PROS1: variants seen among roughly 807,000 people sequenced by gnomAD.
PROS1 encodes the protein vitamin K-dependent protein S.
Under a neutral mutation model 75.9 loss-of-function variants are expected in PROS1, and 29 were observed. That is an observed-to-expected ratio of 0.38 (90% CI 0.28 to 0.52). PROS1 has a LOEUF of 0.52. Ranked by LOEUF, PROS1 falls within the 20% of genes least tolerant of loss-of-function variation. PROS1 has a pLI of 0.83. For missense variants in PROS1, 680 were observed against 810.3 expected (o/e 0.84, Z 1.95); for synonymous variants, 245 against 280.6 (o/e 0.87, Z 1.27).
intron 1 of PROS1, among the ~76,000 whole-genome samples, chr3:93,959,171 T>A (rs1351731247): frequency 6.6e-6 from 1 of 151,976 alleles, no homozygotes; most frequent in Non-Finnish European, 1.5e-5. Flanking sequence ...CAAAATTAGC[T>A]GGGCATGGTA....
chr3:93,893,080 G>T lies in PROS1; in HGVS notation c.1008C>A (p.Gly336=). The T allele has an allele frequency of 6.2e-7, 1 of 1,613,962 alleles. No individual in the cohort carries two copies. ...CGATAGATTCTGCGTACAGTATCACGCCTTCTGAATCATATGTCCGGAAAT... is the reference window on the plus strand; with the variant it reads ...CGATAGATTCTGCGTACAGTATCACTCCTTCTGAATCATATGTCCGGAAAT... ...EFDFRTYDSE[G]VILYAESIDH... is the part of the protein sequence containing the mutation. Residue 336 remains glycine (G), a synonymous_variant, in exon 10 of 15, where the codon GGC becomes GGA. Transcript: ENST00000394236.
chr3:93,894,735 A>C (rs910241811), intron 9 of PROS1, among the ~76,000 whole-genome samples: 3 of 152,176 alleles, frequency 2.0e-5, no homozygotes, highest in Admixed American at 2.0e-4. Context: ...AGACGTCAAG[A>C]AATTTGCAAA....
rs185298520 is a variant in PROS1 at position 93,917,532 on chromosome 3, A to G, written c.259+6708T>C. Among the ~76,000 whole-genome samples, 523 of 152,282 alleles carry G rather than the reference A, an allele frequency of 3.4e-3. 1 individual carries two copies. Among genetic ancestry groups the G allele is most frequent in the Middle Eastern group, 6.8e-3 (2 of 294 alleles). ...TTTGGCGGCACTTGAGGAGCCCTTC[A>G]GCCCACCACTGCACTGTGGGAGCCC... On this transcript the variant is annotated intron_variant, in intron 3 of 14. Transcript: ENST00000394236.
At chr3:93,954,917 G>A (rs544945305) in intron 1 of PROS1, among the ~76,000 whole-genome samples, 19 of 152,238 alleles carry the variant, frequency 1.2e-4, no homozygotes, top group African/African-American at 4.3e-4. Context: ...GTGGGCAAAG[G>A]ATATGAACAG....
intron 1 of PROS1, among the ~76,000 whole-genome samples, chr3:93,959,409 T>TTA (rs1405909542): frequency 6.6e-6 from 1 of 152,302 alleles, no homozygotes; most frequent in African/African-American, 2.4e-5. Flanking sequence ...TCACATCTAG[T>TTA]AATTTCTCAC....
chr3:93,882,050 G>A (rs2107133262), intron 12 of PROS1, among the ~76,000 whole-genome samples: 1 of 152,142 alleles, frequency 6.6e-6, no homozygotes, highest in Non-Finnish European at 1.5e-5. Flanking sequence ...AAACATATGG[G>A]AGGATATTCA....
chr3:93,927,235 T>A lies in PROS1; in HGVS notation c.234+15A>T. The A allele has an allele frequency of 6.2e-7, 1 of 1,612,186 alleles. No individual in the cohort carries two copies. Among genetic ancestry groups the A allele is most frequent in the South Asian group, 1.1e-5 (1 of 91,000 alleles). ...GTCTAGATGTGTGAACTTGATAGTT[T>A]CCATAAATGCTTACCGTTTCCGGGT... On this transcript the variant is annotated intron_variant, in intron 2 of 14. Coordinates refer to ENST00000394236, the MANE Select transcript of PROS1 (RefSeq NM_000313.4).
intron 6 of PROS1, among the ~76,000 whole-genome samples, chr3:93,904,839 G>C (rs1366305350): frequency 1.3e-5 from 2 of 151,818 alleles, no homozygotes; most frequent in Non-Finnish European, 2.9e-5. Context: ...TTAGGGATAG[G>C]AAAACAATGA....
intron 1 of PROS1, among the ~76,000 whole-genome samples, chr3:93,952,808 T>C (rs1709526240): frequency 6.6e-6 from 1 of 152,102 alleles, no homozygotes; most frequent in Non-Finnish European, 1.5e-5. Flanking sequence ...TTTGAAAAGA[T>C]CAACAAAATT....
In PROS1 at chr3:93,886,434, T is replaced by G; in HGVS notation, c.1225A>C (p.Lys409Gln). ...TCCGGCTTAAAAAGGGGTCCAGGTT[T>G]ATTTATATCCATCACAGCTTCTTTA... ...IAKEAVMDIN[K>Q]PGPLFKPENG... The change falls in exon 11 of 15, where the codon AAA (lysine) becomes CAA (glutamine). Residue 409 changes from lysine to glutamine, a missense_variant. Lys to Gln is a moderately conservative substitution (Grantham distance 53). Transcript: ENST00000394236. 1 of 1,613,302 alleles carries G rather than the reference T, an allele frequency of 6.2e-7. No homozygotes were observed. The highest frequency in any genetic ancestry group is 1.3e-5 in the African/African-American group (1 of 75,030).
chr3:93,874,505 C>G, intron 14 of PROS1, 100 bp from the exon 15 acceptor site: 1 of 1,488,342 alleles, frequency 6.7e-7, no homozygotes, highest in Non-Finnish European at 9.1e-7. Flanking sequence ...CAACCAAATT[C>G]TAATCCTAAA....
chr3:93,883,345 A>C (rs1308977597), intron 12 of PROS1, among the ~76,000 whole-genome samples: 2 of 152,186 alleles, frequency 1.3e-5, no homozygotes, highest in African/African-American at 4.8e-5. Flanking sequence ...CAAGCCTGTA[A>C]TCCCAGCACT....
chr3:93,928,610 G>T, intron 1 of PROS1: 1 of 383,898 alleles, frequency 2.6e-6, no homozygotes, highest in Non-Finnish European at 4.7e-6. Context: ...AAAAACCTTT[G>T]TGATCTCTGT....
chr3:93,960,714 T>C (rs1319217750), intron 1 of PROS1, among the ~76,000 whole-genome samples: 1 of 151,926 alleles, frequency 6.6e-6, no homozygotes, highest in Non-Finnish European at 1.5e-5. Flanking sequence ...TTTGGAGATT[T>C]GAGGATTAAT....
Position 93,879,783 on chromosome 3 carries a change from C to G in PROS1, c.1493-469G>C, listed in dbSNP as rs1277234580. 5.3e-5 allele frequency among the ~76,000 whole-genome samples: 8 copies of G among 152,176 alleles called. No homozygotes were observed. The South Asian group carries it at 8.3e-4, about 16-fold the overall frequency. ...CATAGGAGAGTTGGATAGTTCGATA[C>G]TAGAGAAATACACTGACATCAGCAG... On this transcript the variant is annotated intron_variant, in intron 12 of 14. Transcript: ENST00000394236.
chr3:93,875,773 G>A, intron 14 of PROS1, among the ~76,000 whole-genome samples: 1 of 151,862 alleles, frequency 6.6e-6, no homozygotes, highest in East Asian at 1.9e-4. Context: ...GGGAAATCAA[G>A]ACCATGAGCA....
At chr3:93,884,248 A>C (rs774838236) in intron 12 of PROS1, among the ~76,000 whole-genome samples, 13 of 152,236 alleles carry the variant, frequency 8.5e-5, no homozygotes, top group Non-Finnish European at 1.5e-4. Context: ...GATATGACAC[A>C]GTTGGAACTA....
At chr3:93,914,404 T>C (rs1380710189) in intron 3 of PROS1, among the ~76,000 whole-genome samples, 3 of 152,362 alleles carry the variant, frequency 2.0e-5, no homozygotes, top group East Asian at 3.9e-4. Context: ...ATGAGGTATG[T>C]ACATTCCAGA....
At chr3:93,962,891 C>A (rs1709727597) in intron 1 of PROS1, among the ~76,000 whole-genome samples, 1 of 152,142 alleles carries the variant, frequency 6.6e-6, no homozygotes, top group African/African-American at 2.4e-5. Flanking sequence ...AGGCATATTC[C>A]ATTTTAAGGT....
Sources: allele counts gnomAD v4.1 joint callset (sites outside exome capture counted in the v4.1 genomes callset), GRCh38; gene constraint gnomAD v4.1.1; transcripts MANE v1.5; gene names NCBI Gene and HGNC (gene_info 2026-07-23, HGNC 2026-07-21).